The following CRYL1 variants were observed in gnomAD, a reference collection of about 807,000 sequenced individuals.
CRYL1 encodes the protein crystallin lambda 1, also known as lambda-crystallin homolog.
In CRYL1, 29 loss-of-function variants were observed where a neutral mutation model predicts 36.6. That is an observed-to-expected ratio of 0.79 (90% confidence interval 0.59 to 1.08). CRYL1 has a LOEUF of 1.08. CRYL1 is among the 50% of genes least tolerant of loss of function. The pLI is 0.00. For missense variants in CRYL1, 411 were observed against 407.9 expected (o/e 1.01, Z -0.06); for synonymous variants, 152 against 151.5 (o/e 1.00, Z -0.02).
chr13:20,517,900 C>A (rs1251124795), intron 1 of CRYL1, among the ~76,000 whole-genome samples: 2 of 145,322 alleles, frequency 1.4e-5, no homozygotes, highest in Non-Finnish European at 3.0e-5. Flanking sequence ...CACACCACTG[C>A]ACTCCAGCCT....
chr13:20,463,157 G>A (rs547885384), intron 3 of CRYL1, among the ~76,000 whole-genome samples: 1 of 152,226 alleles, frequency 6.6e-6, no homozygotes, highest in Non-Finnish European at 1.5e-5. Flanking sequence ...CCTGCGTGTC[G>A]CACCTACCAG....
chr13:20,488,450 A>T (rs1179869477), intron 3 of CRYL1, among the ~76,000 whole-genome samples: 1 of 152,214 alleles, frequency 6.6e-6, no homozygotes, highest in Non-Finnish European at 1.5e-5. Context: ...ATTTTTAGCA[A>T]ATTGAGAATT....
chr13:20,423,256 A>G (rs2031859933), intron 5 of CRYL1, among the ~76,000 whole-genome samples: 1 of 152,100 alleles, frequency 6.6e-6, no homozygotes, highest in Non-Finnish European at 1.5e-5. Context: ...AATACCTTTT[A>G]TTTCTTTCTC....
intron 1 of CRYL1, among the ~76,000 whole-genome samples, chr13:20,516,570 C>T: frequency 6.7e-6 from 1 of 148,560 alleles, no homozygotes; most frequent in East Asian, 2.0e-4. Context: ...AGCTCCGCCT[C>T]CTGGGTTCAC....
chr13:20,430,161 C>A, intron 5 of CRYL1: 1 of 982,398 alleles, frequency 1.0e-6, no homozygotes, highest in Non-Finnish European at 1.2e-6. Context: ...CTGCCTTGGG[C>A]CCCACTACCT....
Position 20,479,622 on chromosome 13 carries a change from A to G in CRYL1, c.276+9748T>C, listed in dbSNP as rs564616607. On this transcript the variant is annotated intron_variant, in intron 3 of 7. Coordinates refer to ENST00000298248, the MANE Select transcript of CRYL1 (RefSeq NM_015974.3). ...AAGTAGAATATGACACTGTATCTAT[A>G]AAGACACACTATCATTACAATTATA... Among the ~76,000 whole-genome samples, 5 of 152,368 alleles carry G rather than the reference A, an allele frequency of 3.3e-5. No individual in the cohort carries two copies. In the East Asian group the frequency reaches 9.6e-4, roughly 29 times the overall value.
rs201334135 is a variant in CRYL1, at chr13:20,503,247, AG to A, written c.149+9195del. Among the ~76,000 whole-genome samples, 1,201 of 152,364 alleles carry A rather than the reference AG, an allele frequency of 7.9e-3. 13 individuals carry two copies. The highest frequency in any genetic ancestry group is 0.027 in the African/African-American group (1,138 of 41,586). On this transcript the variant is annotated intron_variant, in intron 2 of 7. Transcript: ENST00000298248. ...GTGATAGCAGGATCTGTGAACTCAC[AG>A]GGAAGTCAGATTGAACAACCCGGCT... is the stretch of plus-strand genomic sequence containing the variant.
chr13:20,421,474 C>T (rs1372145950), intron 5 of CRYL1, among the ~76,000 whole-genome samples: 1 of 152,168 alleles, frequency 6.6e-6, no homozygotes, highest in Non-Finnish European at 1.5e-5. Flanking sequence ...CCCAGAGATG[C>T]TTCCTGCCTT....
intron 2 of CRYL1, among the ~76,000 whole-genome samples, chr13:20,503,435 T>C (rs1006083618): frequency 6.6e-6 from 1 of 152,232 alleles, no homozygotes; most frequent in Admixed American, 6.5e-5. Flanking sequence ...GGTGCTGTGC[T>C]GGATGGTGCT....
chr13:20,502,094 A>G (rs1232547662), intron 2 of CRYL1, among the ~76,000 whole-genome samples: 1 of 152,020 alleles, frequency 6.6e-6, no homozygotes, highest in Non-Finnish European at 1.5e-5. Flanking sequence ...ATGTTTTAAA[A>G]ATCTGGCATG....
chr13:20,498,434 T>TAC, intron 2 of CRYL1, among the ~76,000 whole-genome samples: 1 of 152,056 alleles, frequency 6.6e-6, no homozygotes, highest in East Asian at 1.9e-4. Flanking sequence ...ATATACACAC[T>TAC]ACACACACAC....
Position 20,475,778 on chromosome 13 carries a change from G to A in CRYL1, c.276+13592C>T, listed in dbSNP as rs376878169. ...GAAACCAGGGACCCTTTCAGCGGAAGATTCCCACCCACCACCTACCAACTA... is the reference window on the plus strand; with the variant it reads ...GAAACCAGGGACCCTTTCAGCGGAAAATTCCCACCCACCACCTACCAACTA... On this transcript the variant is annotated intron_variant, in intron 3 of 7. Transcript: ENST00000298248. 1.8e-4 allele frequency among the ~76,000 whole-genome samples: 27 copies of A among 152,320 alleles called. No homozygotes were observed. In the East Asian group the frequency reaches 4.2e-3, roughly 24 times the overall value.
intron 2 of CRYL1, among the ~76,000 whole-genome samples, chr13:20,492,138 C>T (rs1333932447): frequency 1.3e-5 from 2 of 152,202 alleles, no homozygotes; most frequent in African/African-American, 4.8e-5. Context: ...TGAACACAGA[C>T]TGTGCCTCTT....
intron 1 of CRYL1, among the ~76,000 whole-genome samples, chr13:20,519,089 G>A (rs529690021): frequency 1.5e-4 from 23 of 152,316 alleles, no homozygotes; most frequent in Admixed American, 6.5e-4. Context: ...GGGATTTACT[G>A]TAGAGATGTG....
intron 2 of CRYL1, among the ~76,000 whole-genome samples, chr13:20,502,729 CAG>C (rs2033724942): frequency 6.6e-6 from 1 of 152,180 alleles, no homozygotes; most frequent in Non-Finnish European, 1.5e-5. Context: ...GGGAGACAGA[CAG>C]GGGAGGAGAG....
intron 2 of CRYL1, among the ~76,000 whole-genome samples, chr13:20,499,594 G>A (rs776557755): frequency 6.6e-6 from 1 of 152,066 alleles, no homozygotes; most frequent in South Asian, 2.1e-4. Context: ...AGAGCTTGCA[G>A]TGAGCCGAGA....
In CRYL1 at chr13:20,507,620, T is replaced by C. The variant is rs2033816596; in HGVS notation, c.149+4823A>G. Reference sequence around the variant, plus strand: ...GCATATACTGTCACCAGAAAACTGATTAAAAGTCCACGCCCAGGCTGGGCA... The same window carrying C: ...GCATATACTGTCACCAGAAAACTGACTAAAAGTCCACGCCCAGGCTGGGCA... On this transcript the variant is annotated intron_variant, in intron 2 of 7. Transcript: ENST00000298248. Among the ~76,000 whole-genome samples the C allele has an allele frequency of 3.3e-5, 5 of 152,302 alleles. No homozygotes were observed. In the South Asian group the frequency reaches 8.3e-4, roughly 25 times the overall value.
At chr13:20,420,306 C>T (rs1004988104) in intron 5 of CRYL1, among the ~76,000 whole-genome samples, 1 of 152,150 alleles carries the variant, frequency 6.6e-6, no homozygotes, top group Non-Finnish European at 1.5e-5. Flanking sequence ...TGGGAACAAG[C>T]CTACGTGCAC....
At chr13:20,438,518 G>A (rs1276571818) in intron 4 of CRYL1, among the ~76,000 whole-genome samples, 1 of 152,150 alleles carries the variant, frequency 6.6e-6, no homozygotes, top group Non-Finnish European at 1.5e-5. Flanking sequence ...CTGTTACTAA[G>A]CCTTCCAGTG....
Sources: allele counts gnomAD v4.1 joint callset (sites outside exome capture counted in the v4.1 genomes callset), GRCh38; gene constraint gnomAD v4.1.1; transcripts MANE v1.5; gene names NCBI Gene and HGNC (gene_info 2026-07-23, HGNC 2026-07-21).